NXPE2: variants seen among roughly 807,000 people sequenced by gnomAD.
The protein encoded by NXPE2 is neurexophilin and PC-esterase domain family member 2, also known as NXPE family member 2.
Under a neutral mutation model 34.4 loss-of-function variants are expected in NXPE2, and 34 were observed. That is an observed-to-expected ratio of 0.99 (90% CI 0.75 to 1.31). The LOEUF is 1.31. Among genes scored for constraint, NXPE2 ranks in the 40% most tolerant of loss-of-function variants. NXPE2 has a pLI of 0.00. For missense variants in NXPE2, 649 were observed against 672.5 expected, an observed-to-expected ratio of 0.97 and a Z score of 0.39; for synonymous variants, 235 against 231.3, an observed-to-expected ratio of 1.02 and a Z score of -0.15.
the NXPE2 span, among the ~76,000 whole-genome samples, chr11:114,515,786 G>T: frequency 1.0e-5 from 1 of 99,286 alleles, no homozygotes; most frequent in East Asian, 1.9e-4. Context: ...AGCAATTCAG[G>T]TGATAACAGG....
the NXPE2 span, among the ~76,000 whole-genome samples, chr11:114,789,886 G>A: frequency 6.6e-6 from 1 of 152,184 alleles, no homozygotes; most frequent in African/African-American, 2.4e-5. Context: ...GTTGCATCTT[G>A]TTCATCTTTG....
At chr11:114,750,068 G>A in the NXPE2 span, among the ~76,000 whole-genome samples, 1 of 152,076 alleles carries the variant, frequency 6.6e-6, no homozygotes, top group African/African-American at 2.4e-5. Context: ...TCCTAGACAG[G>A]TGCTCTCTTA....
chr11:114,592,435 A>G, the NXPE2 span, among the ~76,000 whole-genome samples: 2 of 152,072 alleles, frequency 1.3e-5, no homozygotes, highest in African/African-American at 4.8e-5. Context: ...AGCTACAAAA[A>G]CCCTAGGAAT....
At chr11:114,791,598 G>A in the NXPE2 span, among the ~76,000 whole-genome samples, 1 of 152,212 alleles carries the variant, frequency 6.6e-6, no homozygotes, top group Non-Finnish European at 1.5e-5. Context: ...ACCCTGGGGA[G>A]AGGAAGCACG....
At chr11:114,599,533 T>G in the NXPE2 span, among the ~76,000 whole-genome samples, 1 of 152,192 alleles carries the variant, frequency 6.6e-6, no homozygotes, top group Non-Finnish European at 1.5e-5. Flanking sequence ...ATAAAAATAT[T>G]TGAGACTGGG....
At chr11:114,594,585 A>G in the NXPE2 span, 2 of 871,046 alleles carry the variant, frequency 2.3e-6, no homozygotes, top group Non-Finnish European at 3.8e-6. Context: ...CAAGTCTTGT[A>G]GTTTAGCCTT....
At position 114,706,933 on chromosome 11, in the gene NXPE2, G is replaced by GA; in HGVS notation, c.*8dup. 1 of 1,534,462 alleles carries GA rather than the reference G, an allele frequency of 6.5e-7. No homozygotes were observed. Among genetic ancestry groups the GA allele is most frequent in the Non-Finnish European group, 8.8e-7 (1 of 1,136,844 alleles). On this transcript the variant is annotated 3_prime_UTR_variant, in exon 6 of 6. Coordinates refer to ENST00000389586, the MANE Select transcript of NXPE2 (RefSeq NM_182495.6). ...TGTTCTTAAACTACATTTGTTAGAGGAAAAATACAAAAATAGCACTAGCCA... is the reference window on the plus strand; with the variant it reads ...TGTTCTTAAACTACATTTGTTAGAGGAAAAAATACAAAAATAGCACTAGCCA...
At chr11:114,530,230 T>G in the NXPE2 span, 1 of 1,613,780 alleles carries the variant, frequency 6.2e-7, no homozygotes, top group Non-Finnish European at 8.5e-7. Flanking sequence ...CTATTCCGGG[T>G]GGTCATGTAG....
the NXPE2 span, among the ~76,000 whole-genome samples, chr11:114,579,251 C>T: frequency 5.3e-5 from 8 of 152,154 alleles, no homozygotes; most frequent in African/African-American, 1.9e-4. Flanking sequence ...AGAACTCACT[C>T]ATTACCATGG....
chr11:114,472,664 G>A, the NXPE2 span, among the ~76,000 whole-genome samples: 21 of 152,108 alleles, frequency 1.4e-4, no homozygotes, highest in Non-Finnish European at 2.9e-5. Context: ...TTGGTGTCTG[G>A]CAGGGGCCCA....
the NXPE2 span, among the ~76,000 whole-genome samples, chr11:114,791,421 C>T: frequency 1.3e-5 from 2 of 152,194 alleles, no homozygotes; most frequent in African/African-American, 2.4e-5. Flanking sequence ...TGGTATTCCA[C>T]CACAGTTGTC....
the NXPE2 span, among the ~76,000 whole-genome samples, chr11:114,602,297 CAT>C: frequency 6.9e-5 from 8 of 115,578 alleles, no homozygotes; most frequent in Non-Finnish European, 1.3e-4. Flanking sequence ...TTATCTATAA[CAT>C]ATACTATATA....
At chr11:114,602,432 TTATAATA>T in the NXPE2 span, among the ~76,000 whole-genome samples, 2 of 133,270 alleles carry the variant, frequency 1.5e-5, no homozygotes, top group East Asian at 2.2e-4. Flanking sequence ...ATAAATGTAA[TTATAATA>T]TATAATATAT....
At chr11:114,564,357 G>A in the NXPE2 span, among the ~76,000 whole-genome samples, 1 of 152,120 alleles carries the variant, frequency 6.6e-6, no homozygotes, top group African/African-American at 2.4e-5. Context: ...ATTGGGTACA[G>A]TGTACACTGC....
chr11:114,740,943 T>C, the NXPE2 span, among the ~76,000 whole-genome samples: 1 of 152,212 alleles, frequency 6.6e-6, no homozygotes, highest in South Asian at 2.1e-4. Flanking sequence ...TGATAGTTTT[T>C]AACTTAAAGT....
chr11:114,599,474 T>C, the NXPE2 span, among the ~76,000 whole-genome samples: 5 of 152,186 alleles, frequency 3.3e-5, no homozygotes, highest in African/African-American at 1.2e-4. Context: ...TATGGCAGTG[T>C]TCCACTCCCC....
chr11:114,700,643 G>T (rs959404371), intron 3 of NXPE2, among the ~76,000 whole-genome samples: 2 of 152,240 alleles, frequency 1.3e-5, no homozygotes, highest in Middle Eastern at 3.4e-3. Context: ...GCCTGACACT[G>T]AGAAAGTTCT....
chr11:114,573,734 A>G, the NXPE2 span, among the ~76,000 whole-genome samples: 10 of 152,080 alleles, frequency 6.6e-5, no homozygotes, highest in African/African-American at 2.4e-4. Context: ...AATAGACCAA[A>G]AAAAATGAGA....
chr11:114,507,532 AG>A, the NXPE2 span, among the ~76,000 whole-genome samples: 1 of 152,238 alleles, frequency 6.6e-6, no homozygotes, highest in Non-Finnish European at 1.5e-5. Flanking sequence ...CACATCAAAA[AG>A]CTTATCCACC....
Sources: gnomAD v4.1 joint callset for allele counts (sites outside exome capture counted in the v4.1 genomes callset) on GRCh38, gnomAD v4.1.1 for gene constraint, MANE v1.5 for transcripts, NCBI Gene and HGNC (gene_info 2026-07-23, HGNC 2026-07-21) for gene names.